Variants in SLC5A4 observed in about 807,000 individuals in gnomAD.
SLC5A4 encodes solute carrier family 5 member 4.
A neutral mutation model predicts 70.3 loss-of-function variants in SLC5A4; 55 were observed. That is an observed-to-expected ratio of 0.78 (90% CI 0.63 to 0.98). The LOEUF (loss-of-function observed/expected upper bound fraction) is 0.98. SLC5A4 is among the 50% of genes least tolerant of loss of function. The pLI, the probability that SLC5A4 is intolerant of heterozygous loss-of-function variation, is 0.00. For missense variants in SLC5A4, 735 were observed against 839.2 expected (o/e 0.88, Z 1.53); for synonymous variants, 268 against 305.7 (o/e 0.88, Z 1.29).
chr22:32,238,909 CTG>C (rs1926218862), intron 6 of SLC5A4, 74 bp downstream of exon 6: 1 of 993,126 alleles, frequency 1.0e-6, no homozygotes, highest in Non-Finnish European at 1.6e-6. Flanking sequence ...AAGGTTAACA[CTG>C]AGAATGCTAA....
At chr22:32,303,680 T>A in the SLC5A4 span, among the ~76,000 whole-genome samples, 1 of 152,220 alleles carries the variant, frequency 6.6e-6, no homozygotes, top group Non-Finnish European at 1.5e-5. Flanking sequence ...TGTCTGGATG[T>A]ACCACGGTTT....
In SLC5A4 at chr22:32,224,082, A is replaced by C. The variant is rs549040808; in HGVS notation, c.1665+185T>G. Reference sequence around the variant, plus strand: ...ATTACAGGTGCCCACCACCACACCCAGCTAATTTTTTGTATTTTTAGTAGA... The same window carrying C: ...ATTACAGGTGCCCACCACCACACCCCGCTAATTTTTTGTATTTTTAGTAGA... On this transcript the variant is annotated intron_variant, in intron 13 of 14. Coordinates refer to ENST00000266086, the MANE Select transcript of SLC5A4 (RefSeq NM_014227.3). Among the ~76,000 whole-genome samples the C allele has an allele frequency of 1.6e-3, 250 of 152,144 alleles. 9 individuals carry two copies. The South Asian group carries it at 0.05, about 31-fold the overall frequency.
At chr22:32,304,448 TTC>T in the SLC5A4 span, among the ~76,000 whole-genome samples, 1 of 41,488 alleles carries the variant, frequency 2.4e-5, no homozygotes, top group East Asian at 4.9e-4. Context: ...AGCTTGTTTT[TTC>T]TTTTTCTTTT....
chr22:32,312,458 C>T, the SLC5A4 span, among the ~76,000 whole-genome samples: 1,603 of 152,200 alleles, frequency 0.011, 110 homozygotes, highest in East Asian at 0.2. Flanking sequence ...AGGGAAGCTT[C>T]GGTTTTCAAC....
At chr22:32,271,312 A>G in the SLC5A4 span, 3 of 741,738 alleles carry the variant, frequency 4.0e-6, 1 homozygote, top group South Asian at 4.4e-5. Flanking sequence ...GGAGGAGGCC[A>G]TGTGCCAGGA....
chr22:32,311,418 AGT>A, the SLC5A4 span, among the ~76,000 whole-genome samples: 1 of 152,184 alleles, frequency 6.6e-6, no homozygotes, highest in South Asian at 2.1e-4. Context: ...CCATGGAATG[AGT>A]GTGTCTACAC....
the SLC5A4 span, among the ~76,000 whole-genome samples, chr22:32,261,100 C>A: frequency 0.035 from 5,329 of 152,062 alleles, 179 homozygotes; most frequent in African/African-American, 0.09. Flanking sequence ...AAGGCAGCCT[C>A]CCCTGACCCA....
rs149937089 is a variant in SLC5A4 at position 32,235,807 on chromosome 22, T to C, written c.665-714A>G. 2.9e-3 allele frequency among the ~76,000 whole-genome samples: 447 copies of C among 152,268 alleles called. 6 individuals are homozygous for C. Among genetic ancestry groups the C allele is most frequent in the African/African-American group, 0.01 (433 of 41,560 alleles). ...AAAAATTCATCAGGGTATTATACAA[T>C]TGTAGGGCTGAGTTAACATTAATTT... is the stretch of plus-strand genomic sequence containing the variant. On this transcript the variant is annotated intron_variant, in intron 7 of 14. Transcript: ENST00000266086.
chr22:32,324,225 ATATGTGTATACATATG>A, the SLC5A4 span, among the ~76,000 whole-genome samples: 3 of 151,682 alleles, frequency 2.0e-5, no homozygotes. Context: ...ATATATACAT[ATATGTGTATACATATG>A]TATGTGTATA....
the SLC5A4 span, among the ~76,000 whole-genome samples, chr22:32,345,200 C>T: frequency 2.6e-5 from 4 of 152,094 alleles, no homozygotes; most frequent in East Asian, 1.9e-4. Flanking sequence ...ATGAAGTAAC[C>T]GATTTCAGAA....
intron 14 of SLC5A4, among the ~76,000 whole-genome samples, chr22:32,219,988 G>C (rs573521397): frequency 1.3e-5 from 2 of 151,332 alleles, no homozygotes; most frequent in South Asian, 2.1e-4. Context: ...ACTCTAAATA[G>C]TTCTATAGCC....
Position 32,220,913 on chromosome 22 carries a change from A to G in SLC5A4, c.1768+7T>C. 1 of 1,585,696 alleles carries G rather than the reference A, an allele frequency of 6.3e-7. No homozygotes were observed. Among genetic ancestry groups the G allele is most frequent in the Non-Finnish European group, 8.7e-7 (1 of 1,154,088 alleles). On this transcript the variant is annotated splice_region_variant and intron_variant, in intron 14 of 14. Coordinates refer to ENST00000266086, the MANE Select transcript of SLC5A4 (RefSeq NM_014227.3). ...TACATGAAAACCAAATGTAAACCAA[A>G]TATTACCTTCTTCAACACCATCATC...
At chr22:32,306,290 CCT>C in the SLC5A4 span, among the ~76,000 whole-genome samples, 1 of 146,232 alleles carries the variant, frequency 6.8e-6, no homozygotes, top group East Asian at 2.2e-4. Context: ...ACGGTGAAAC[CCT>C]ATCTCTACTA....
intron 5 of SLC5A4, among the ~76,000 whole-genome samples, chr22:32,242,931 T>C (rs1926620627): frequency 6.6e-6 from 1 of 152,182 alleles, no homozygotes; most frequent in Non-Finnish European, 1.5e-5. Flanking sequence ...ATAAGAACCA[T>C]TTATGAATGC....
the SLC5A4 span, among the ~76,000 whole-genome samples, chr22:32,290,858 A>C: frequency 6.6e-6 from 1 of 152,214 alleles, no homozygotes; most frequent in South Asian, 2.1e-4. Context: ...TGAGGGTTCC[A>C]TCCTCAGGAC....
At chr22:32,321,196 G>T in the SLC5A4 span, among the ~76,000 whole-genome samples, 1 of 152,196 alleles carries the variant, frequency 6.6e-6, no homozygotes, top group Non-Finnish European at 1.5e-5. Flanking sequence ...TGAGGCAGAA[G>T]AACTGCTTGA....
the SLC5A4 span, among the ~76,000 whole-genome samples, chr22:32,311,626 T>TG: frequency 6.6e-6 from 1 of 152,334 alleles, no homozygotes; most frequent in African/African-American, 2.4e-5. Flanking sequence ...CTCGTTACCC[T>TG]GCCCAGCAAA....
At chr22:32,234,719 C>A (rs1387290326) in intron 8 of SLC5A4, among the ~76,000 whole-genome samples, 154 bp downstream of exon 8, 2 of 151,952 alleles carry the variant, frequency 1.3e-5, no homozygotes, top group Non-Finnish European at 2.9e-5. Flanking sequence ...ACACAAAAAA[C>A]AAAAACAGAG....
In SLC5A4 at chr22:32,229,208, GA is replaced by G. The variant is rs2123883399; in HGVS notation, c.1265del (p.Leu422ProfsTer2). On this transcript the variant is annotated frameshift_variant, in exon 11 of 15. Transcript: ENST00000266086. LOFTEE classifies it high-confidence loss of function. ...KMRKQASEKE[L>X]LIAGRIFVLL... Reference sequence around the variant, plus strand: ...GGTTCACTCACCGTCCAGCTATCAGGAGCTCTTTCTCCGACGCTTGCTTCCG... The same window carrying G: ...GGTTCACTCACCGTCCAGCTATCAGGGCTCTTTCTCCGACGCTTGCTTCCG... 1.2e-6 allele frequency: 2 copies of G among 1,614,080 alleles called. No individual in the cohort carries two copies. Among genetic ancestry groups the G allele is most frequent in the East Asian group, 4.5e-5 (2 of 44,876 alleles).
Sources: allele counts gnomAD v4.1 joint callset (sites outside exome capture counted in the v4.1 genomes callset), GRCh38; gene constraint gnomAD v4.1.1; transcripts MANE v1.5; gene names NCBI Gene and HGNC (gene_info 2026-07-23, HGNC 2026-07-21).